HMCN1: variants seen among roughly 807,000 people sequenced by gnomAD.
The protein encoded by HMCN1 is hemicentin 1, also known as hemicentin-1.
HMCN1 carries 321 observed loss-of-function variants against 625.9 expected under a neutral mutation model. The observed-to-expected ratio is 0.51, with a 90% CI of 0.47 to 0.56. The LOEUF is 0.56. Ranked by LOEUF, HMCN1 falls within the 20% of genes least tolerant of loss-of-function variation. HMCN1 has a pLI of 0.00. For synonymous variants in HMCN1, 2,425 were observed against 2,417.6 expected (o/e 1.00, Z -0.09); for missense variants, 6,588 against 6,887.3 (o/e 0.96, Z 1.54).
chr1:185,896,089 C>A (rs2102422957), intron 4 of HMCN1, among the ~76,000 whole-genome samples: 1 of 152,120 alleles, frequency 6.6e-6, no homozygotes, highest in South Asian at 2.1e-4. Context: ...GCGCCCGCCA[C>A]CATGCCCGGC....
intron 1 of HMCN1, among the ~76,000 whole-genome samples, chr1:185,825,679 T>A (rs1021364075): frequency 6.6e-6 from 1 of 152,206 alleles, no homozygotes; most frequent in African/African-American, 2.4e-5. Flanking sequence ...ACATTCTTCA[T>A]CTTTGTCAAA....
chr1:185,973,694 A>G (rs998997927), intron 15 of HMCN1, among the ~76,000 whole-genome samples: 1 of 152,044 alleles, frequency 6.6e-6, no homozygotes. Context: ...TAAATTATGG[A>G]CATTTCAGGT....
chr1:185,878,061 T>C (rs181821041), intron 4 of HMCN1, among the ~76,000 whole-genome samples: 1 of 152,282 alleles, frequency 6.6e-6, no homozygotes, highest in East Asian at 1.9e-4. Flanking sequence ...TTAATGTTAT[T>C]GATGAATAGA....
At position 186,045,699 on chromosome 1, in the gene HMCN1, A is replaced by G. The variant is rs149970975; in HGVS notation, c.6316A>G (p.Ile2106Val). The change falls in exon 41 of 107, where the codon ATT becomes GTT. Residue 2106 changes from isoleucine to valine, a missense_variant. This residue lies in a region of HMCN1 where 4,628 missense variants were observed against 4,853.1 expected (regional missense o/e 0.95). Transcript: ENST00000271588. ...IDLRVYVPPN[I>V]MGEEQNVSVL... ...CATCTTTCATGTAGTTCCGCCAAAT[A>G]TTATGGGAGAAGAACAGAATGTCTC... is the stretch of plus-strand genomic sequence containing the variant. The G allele has an allele frequency of 7.4e-6, 12 of 1,613,232 alleles. No individual in the cohort carries two copies. The highest frequency in any genetic ancestry group is 6.6e-5 in the South Asian group (6 of 91,078).
chr1:185,952,610 A>G (rs1471503423), intron 11 of HMCN1, among the ~76,000 whole-genome samples: 5 of 151,670 alleles, frequency 3.3e-5, no homozygotes, highest in Non-Finnish European at 5.9e-5. Flanking sequence ...TTTAAGTGCC[A>G]TTTTCCGGCT....
chr1:185,920,275 T>A (rs989777587), intron 6 of HMCN1, among the ~76,000 whole-genome samples: 6 of 152,182 alleles, frequency 3.9e-5, no homozygotes, highest in Non-Finnish European at 8.8e-5. Context: ...TTATTTGGGA[T>A]GTCCTTTGTT....
intron 57 of HMCN1, 52 bp from the exon 58 acceptor site, chr1:186,086,194 G>A: frequency 6.7e-7 from 1 of 1,485,836 alleles, no homozygotes; most frequent in Non-Finnish European, 9.4e-7. Flanking sequence ...TAGTAAATGG[G>A]AATATATGTT....
rs777863596 is a variant in HMCN1 at position 186,018,284 on chromosome 1, G to T, written c.5402G>T (p.Gly1801Val). ...VIAQAQVSNT[G>V]LYRCMAANTA... ...GCTCAGGCTCAAGTGTCAAACACAG[G>T]CCTTTATCGGTGCATGGCAGCAAAT... Residue 1801 changes from glycine (G) to valine (V), a missense_variant, in exon 34 of 107, where the codon GGC becomes GTC. Physicochemically the swap from Gly to Val is moderately radical, Grantham distance 109. This residue lies in a region of HMCN1 where 4,628 missense variants were observed against 4,853.1 expected (regional missense o/e 0.95). Transcript: ENST00000271588. 6 of 1,612,852 alleles carry T rather than the reference G, an allele frequency of 3.7e-6. No homozygotes were observed. The African/African-American group carries it at 5.3e-5, about 14-fold the overall frequency.
At chr1:185,915,294 T>C (rs977560103) in intron 6 of HMCN1, among the ~76,000 whole-genome samples, 2 of 152,088 alleles carry the variant, frequency 1.3e-5, no homozygotes, top group African/African-American at 4.8e-5. Context: ...CTACAGATCA[T>C]GGATCTTATT....
At chr1:186,098,347 AAAAC>A (rs1432992709) in intron 68 of HMCN1, among the ~76,000 whole-genome samples, 1 of 152,144 alleles carries the variant, frequency 6.6e-6, no homozygotes, top group East Asian at 1.9e-4. Context: ...TAATAGCAAA[AAAAC>A]AAAGAGCACA....
rs766042341 is a variant in HMCN1 at position 186,123,041 on chromosome 1, C to T, written c.12320C>T (p.Pro4107Leu). The change falls in exon 81 of 107, where the codon CCG (proline) becomes CTG (leucine). Residue 4107 changes from proline to leucine, a missense_variant. Coordinates refer to ENST00000271588, the MANE Select transcript of HMCN1 (RefSeq NM_031935.3). ...TLSCEADGLP[P>L]PDITWHKDGR... ...TCCTGTGAAGCAGATGGCCTCCCTC[C>T]GCCTGACATTACATGGCATAAAGAT... 4.1e-5 allele frequency: 66 copies of T among 1,614,096 alleles called. No individual in the cohort carries two copies. The East Asian group carries it at 7.4e-4, about 18-fold the overall frequency.
intron 2 of HMCN1, among the ~76,000 whole-genome samples, chr1:185,857,356 A>G (rs1443764051): frequency 6.6e-6 from 1 of 152,188 alleles, no homozygotes; most frequent in Non-Finnish European, 1.5e-5. Context: ...TCTATATTTC[A>G]GGGTTCAAAT....
chr1:185,931,604 GT>G (rs1667554554), intron 10 of HMCN1, among the ~76,000 whole-genome samples: 2 of 152,124 alleles, frequency 1.3e-5, no homozygotes, highest in Admixed American at 6.6e-5. Flanking sequence ...ATGCAAGAGG[GT>G]TTTTGGAGAG....
intron 64 of HMCN1, among the ~76,000 whole-genome samples, chr1:186,092,370 G>A (rs1659890653): frequency 6.6e-6 from 1 of 151,756 alleles, no homozygotes; most frequent in Admixed American, 6.6e-5. Flanking sequence ...CTGTATCCCA[G>A]ATAATAATAT....
In HMCN1 at chr1:186,136,662, C is replaced by T; in HGVS notation, c.13313-6C>T. The T allele has an allele frequency of 6.2e-7, 1 of 1,612,684 alleles. No individual in the cohort carries two copies. The highest frequency in any genetic ancestry group is 8.5e-7 in the Non-Finnish European group (1 of 1,179,414). On this transcript the variant is annotated splice_region_variant and splice_polypyrimidine_tract_variant and intron_variant, in intron 86 of 106. Coordinates refer to ENST00000271588, the MANE Select transcript of HMCN1 (RefSeq NM_031935.3). The stretch of plus-strand genomic sequence containing the variant: ...AAACTGAGACACTATGTGCTTTTTT[C>T]CGTAGGTCCTCCTATTATCACTCTT...
intron 48 of HMCN1, 139 bp downstream of exon 48, chr1:186,062,739 G>A (rs892413484): frequency 1.4e-6 from 1 of 692,446 alleles, no homozygotes; most frequent in Admixed American, 2.1e-5. Context: ...GAGTACTGGT[G>A]AAGTCTCAGT....
chr1:186,094,171 C>G, intron 66 of HMCN1, 105 bp from the exon 67 acceptor site: 1 of 900,254 alleles, frequency 1.1e-6, no homozygotes, highest in Non-Finnish European at 1.8e-6. Context: ...ATTAAAATTT[C>G]CCAACATAAA....
chr1:185,832,022 G>A (rs575818755), intron 1 of HMCN1, among the ~76,000 whole-genome samples: 4 of 152,294 alleles, frequency 2.6e-5, no homozygotes, highest in South Asian at 4.1e-4. Flanking sequence ...ATGGCCGGGC[G>A]TGGTGGCTCA....
intron 1 of HMCN1, among the ~76,000 whole-genome samples, chr1:185,735,978 C>T (rs1249319648): frequency 1.3e-5 from 2 of 152,206 alleles, no homozygotes; most frequent in African/African-American, 4.8e-5. Flanking sequence ...CCACTGTTCT[C>T]CCACACTTTT....
Sources: gnomAD v4.1 joint callset for allele counts (sites outside exome capture counted in the v4.1 genomes callset) on GRCh38, gnomAD v4.1.1 for gene constraint, gnomAD v4.1.1 regional missense constraint, MANE v1.5 for transcripts, NCBI Gene and HGNC (gene_info 2026-07-23, HGNC 2026-07-21) for gene names.